Variants in MYRIP observed in about 807,000 individuals in gnomAD.
MYRIP encodes myosin VIIA and Rab interacting protein.
A neutral mutation model predicts 98.0 loss-of-function variants in MYRIP; 49 were observed. The ratio of observed to expected loss-of-function variants is 0.50; its 90% CI spans 0.40 to 0.63. The LOEUF is 0.63. Among genes scored for constraint, MYRIP ranks in the 30% least tolerant of loss-of-function variants. The pLI is 0.00. For synonymous variants in MYRIP, 404 were observed against 409.5 expected (o/e 0.99, Z 0.16); for missense variants, 1,004 against 1,058.2 (o/e 0.95, Z 0.71).
At chr3:40,032,525 G>A (rs946441440) in intron 2 of MYRIP, among the ~76,000 whole-genome samples, 21 of 152,088 alleles carry the variant, frequency 1.4e-4, no homozygotes, top group Non-Finnish European at 1.2e-4. Context: ...GGAGAGTTCT[G>A]TAGATGTCTA....
At chr3:40,239,075 A>C (rs11129872) in intron 12 of MYRIP, among the ~76,000 whole-genome samples, 43,273 of 127,876 alleles carry the variant, frequency 0.34, 7,749 homozygotes, top group East Asian at 0.59. Context: ...ACCCCACAAC[A>C]GTCCTCAGAG....
intron 2 of MYRIP, among the ~76,000 whole-genome samples, chr3:40,022,722 A>C (rs1336513715): frequency 6.6e-6 from 1 of 152,174 alleles, no homozygotes; most frequent in African/African-American, 2.4e-5. Flanking sequence ...AATGGGTAGG[A>C]TTTAATGCAA....
At chr3:39,915,197 C>T (rs1168065105) in intron 2 of MYRIP, among the ~76,000 whole-genome samples, 5 of 152,016 alleles carry the variant, frequency 3.3e-5, no homozygotes, top group African/African-American at 4.8e-5. Flanking sequence ...GGCTCGTCCT[C>T]CAACATATCC....
chr3:39,843,820 A>G (rs1275273058), intron 1 of MYRIP, among the ~76,000 whole-genome samples: 1 of 152,070 alleles, frequency 6.6e-6, no homozygotes, highest in Middle Eastern at 3.2e-3. Context: ...TGCCCTCTAC[A>G]CCCAATAGTG....
rs1350634821 is a variant in MYRIP at position 39,921,832 on chromosome 3, AG to A, written c.110+20907del. ...GGGAGGCAGAGGTTGCAGTAAGCCAAGATTGTGCCACTGCACTCCAGCCTGG... is the reference window on the plus strand; with the variant it reads ...GGGAGGCAGAGGTTGCAGTAAGCCAAATTGTGCCACTGCACTCCAGCCTGG... On this transcript the variant is annotated intron_variant, in intron 2 of 16. Transcript: ENST00000302541. Among the ~76,000 whole-genome samples, 3 of 147,752 alleles carry A rather than the reference AG, an allele frequency of 2.0e-5. No individual in the cohort carries two copies. The East Asian group carries it at 6.0e-4, about 30-fold the overall frequency.
chr3:39,989,664 G>A lies in MYRIP; in HGVS notation c.111-54386G>A, dbSNP rs571198313. On this transcript the variant is annotated intron_variant, in intron 2 of 16. Transcript: ENST00000302541. The stretch of plus-strand genomic sequence containing the variant: ...TGCAGAGACTGCAGCCACCCCTCCC[G>A]CTAGGGCTCAGGCCCAGGGAGATCA... Among the ~76,000 whole-genome samples, 168 of 109,336 alleles carry A rather than the reference G, an allele frequency of 1.5e-3. 1 individual carries two copies. The highest frequency in any genetic ancestry group is 2.5e-3 in the Non-Finnish European group (144 of 56,652). 71.7% of individuals were successfully genotyped at this position (109,336 alleles called of 152,430 possible). A position where few individuals can be genotyped will look rare whatever the true frequency, so the allele number is the denominator to read the frequency against.
intron 2 of MYRIP, among the ~76,000 whole-genome samples, chr3:40,026,640 A>G (rs1389649361): frequency 6.6e-6 from 1 of 152,134 alleles, no homozygotes; most frequent in Non-Finnish European, 1.5e-5. Flanking sequence ...AGGGTCCCCA[A>G]CTTACTGCAA....
chr3:39,845,708 G>A (rs1310462437), intron 1 of MYRIP, among the ~76,000 whole-genome samples: 1 of 151,934 alleles, frequency 6.6e-6, no homozygotes, highest in African/African-American at 2.4e-5. Context: ...CTGGAGGTGG[G>A]GGCTCAAGGG....
In MYRIP at chr3:40,244,763, T is replaced by A. The variant is rs974015210; in HGVS notation, c.2262+156T>A. 6.0e-6 allele frequency: 5 copies of A among 828,006 alleles called. No homozygotes were observed. The African/African-American group carries it at 8.8e-5, about 15-fold the overall frequency. 51.3% of individuals were successfully genotyped at this position (828,006 alleles called of 1,614,324 possible). A position where few individuals can be genotyped will look rare whatever the true frequency, so the allele number is the denominator to read the frequency against. ...GTCCTTCCAGATGGATTCCACCAAA[T>A]TCTCCCTTTAAAAGTGTAGTCCTCT... On this transcript the variant is annotated intron_variant, in intron 13 of 16. Coordinates refer to ENST00000302541, the MANE Select transcript of MYRIP (RefSeq NM_015460.4).
At chr3:39,816,021 G>T (rs768215339) in intron 1 of MYRIP, among the ~76,000 whole-genome samples, 1 of 149,834 alleles carries the variant, frequency 6.7e-6, no homozygotes, top group African/African-American at 2.5e-5. Context: ...TTATGAAAAC[G>T]TTATATTTCC....
At chr3:40,173,631 A>G (rs1481286761) in intron 8 of MYRIP, 1 of 152,214 alleles carries the variant, frequency 6.6e-6, no homozygotes, top group Non-Finnish European at 1.5e-5. Flanking sequence ...CAAATAAACA[A>G]CCATGACCCT....
chr3:40,097,694 C>G (rs537781290), intron 3 of MYRIP, among the ~76,000 whole-genome samples: 2 of 152,308 alleles, frequency 1.3e-5, no homozygotes, highest in African/African-American at 4.8e-5. Context: ...GATTTCCATT[C>G]CTGAGGAAGT....
At chr3:40,039,117 A>C (rs1947453681) in intron 2 of MYRIP, among the ~76,000 whole-genome samples, 1 of 151,972 alleles carries the variant, frequency 6.6e-6, no homozygotes, top group Non-Finnish European at 1.5e-5. Flanking sequence ...CTACCCTTAA[A>C]CCATTGGTAA....
chr3:40,030,644 A>G (rs778554415), intron 2 of MYRIP, among the ~76,000 whole-genome samples: 19 of 152,198 alleles, frequency 1.2e-4, no homozygotes, highest in Non-Finnish European at 2.5e-4. Flanking sequence ...ATTTAGCAGT[A>G]AAAAGGAATG....
At chr3:40,188,570 G>C (rs945574179) in intron 9 of MYRIP, among the ~76,000 whole-genome samples, 3 of 152,170 alleles carry the variant, frequency 2.0e-5, no homozygotes, top group African/African-American at 7.2e-5. Context: ...CTGAGGTCAG[G>C]AGTTCGAGAG....
chr3:40,033,031 G>A (rs1400784712), intron 2 of MYRIP, among the ~76,000 whole-genome samples: 3 of 151,388 alleles, frequency 2.0e-5, no homozygotes, highest in Non-Finnish European at 4.4e-5. Context: ...TCTTCATGCT[G>A]AAAACTCTCA....
At chr3:40,215,253 A>G (rs1224412905) in intron 11 of MYRIP, among the ~76,000 whole-genome samples, 1 of 152,180 alleles carries the variant, frequency 6.6e-6, no homozygotes, top group Non-Finnish European at 1.5e-5. Flanking sequence ...ACCAGCAGAC[A>G]TCTCTGCAGG....
At chr3:39,993,737 A>G (rs9852166) in intron 2 of MYRIP, among the ~76,000 whole-genome samples, 15,401 of 152,224 alleles carry the variant, frequency 0.1, 1,360 homozygotes, top group African/African-American at 0.23. Flanking sequence ...CCCCCTTCGA[A>G]GCAGATAACT....
chr3:40,260,141 C>G lies in MYRIP; in HGVS notation c.*1975C>G, dbSNP rs929383321. The G allele has an allele frequency of 6.6e-6, 1 of 152,396 alleles. No homozygotes were observed. The highest frequency in any genetic ancestry group is 1.5e-5 in the Non-Finnish European group (1 of 68,008). The allele number at this position is 152,396 out of a possible 1,614,324, so 9.4% of individuals were successfully genotyped here. On this transcript the variant is annotated 3_prime_UTR_variant, in exon 17 of 17. Coordinates refer to ENST00000302541, the MANE Select transcript of MYRIP (RefSeq NM_015460.4). ...ATCAAGTGATTTTGATCTTTAGTGT[C>G]AATATTTATATTTAGATTAATTTTT...
Sources: gnomAD v4.1 joint callset for allele counts (sites outside exome capture counted in the v4.1 genomes callset) on GRCh38, gnomAD v4.1.1 for gene constraint, MANE v1.5 for transcripts, NCBI Gene and HGNC (gene_info 2026-07-23, HGNC 2026-07-21) for gene names.